The following DMD variants were observed in gnomAD, a reference collection of about 807,000 sequenced individuals.
DMD encodes the protein mutant dystrophin.
In DMD, 63 loss-of-function variants were observed where a neutral mutation model predicts 330.1. That is an observed-to-expected ratio of 0.19 (90% CI 0.16 to 0.24). The LOEUF (loss-of-function observed/expected upper bound fraction) is 0.24. DMD is among the 10% of genes least tolerant of loss of function. The pLI is 1.00. For synonymous variants in DMD, 1,223 were observed against 959.8 expected (o/e 1.27, Z -5.07); for missense variants, 3,344 against 2,684.1 (o/e 1.25, Z -5.43).
chrX:33,138,477 G>A (rs2047630319), intron 1 of DMD, among the ~76,000 whole-genome samples: 1 of 111,516 alleles, frequency 9.0e-6, no homozygotes, highest in Non-Finnish European at 1.9e-5. Flanking sequence ...TATATAGCTG[G>A]AAAGAGATAT....
At chrX:32,160,287 G>A (rs1569547751) in intron 44 of DMD, among the ~76,000 whole-genome samples, 1 of 108,335 alleles carries the variant, frequency 9.2e-6, no homozygotes, top group Admixed American at 9.9e-5. Context: ...GGGCTGGAGT[G>A]CAGTGGCATG....
intron 36 of DMD, among the ~76,000 whole-genome samples, chrX:32,363,481 G>A (rs2097844322): frequency 8.9e-6 from 1 of 111,757 alleles, no homozygotes; most frequent in African/African-American, 3.3e-5. Context: ...CGAATTTTCT[G>A]TCACATACAG....
chrX:32,542,231 C>T (rs191571634), intron 17 of DMD, among the ~76,000 whole-genome samples: 1 of 111,334 alleles, frequency 9.0e-6, no homozygotes, highest in Non-Finnish European at 1.9e-5. Flanking sequence ...GAGCTCAAGA[C>T]CAGCCTGGCC....
chrX:32,632,471 G>A (rs1724207886), intron 11 of DMD, among the ~76,000 whole-genome samples: 1 of 112,433 alleles, frequency 8.9e-6, no homozygotes, highest in Admixed American at 9.3e-5. Flanking sequence ...ACTACGTGTG[G>A]GGGATCAAAG....
At chrX:33,029,451 T>A (rs1034371795) in intron 1 of DMD, among the ~76,000 whole-genome samples, 2 of 112,152 alleles carry the variant, frequency 1.8e-5, no homozygotes, top group African/African-American at 6.5e-5. Flanking sequence ...GGATGACCTG[T>A]CTGTTCCTTT....
intron 1 of DMD, among the ~76,000 whole-genome samples, chrX:33,179,549 C>T (rs2049853259): frequency 9.2e-6 from 1 of 108,871 alleles, no homozygotes; most frequent in Non-Finnish European, 1.9e-5. Context: ...AAAAAATTAG[C>T]CGGGCGTGGT....
intron 41 of DMD, among the ~76,000 whole-genome samples, chrX:32,335,272 G>A (rs1266331024): frequency 9.2e-6 from 1 of 108,511 alleles, no homozygotes; most frequent in Non-Finnish European, 1.9e-5. Flanking sequence ...TGTGATCCCT[G>A]CTGACTGTAA....
chrX:33,124,560 GTCTGTAGGATTCACTCA>G (rs1373208676), intron 1 of DMD, among the ~76,000 whole-genome samples: 1 of 97,663 alleles, frequency 1.0e-5, no homozygotes, highest in African/African-American at 3.8e-5. Flanking sequence ...TGGCAAAATT[GTCTGTAGGATTCACTCA>G]TCCATTTATT....
chrX:33,312,035 C>T (rs2053857563), intron 1 of DMD, among the ~76,000 whole-genome samples: 1 of 108,917 alleles, frequency 9.2e-6, no homozygotes, highest in Non-Finnish European at 1.9e-5. Context: ...ATTTATTCTT[C>T]ATAGAACCTG....
intron 30 of DMD, among the ~76,000 whole-genome samples, chrX:32,401,882 A>G (rs926577459): frequency 1.8e-5 from 2 of 112,413 alleles, no homozygotes; most frequent in African/African-American, 3.2e-5. Flanking sequence ...CGTATTTTCA[A>G]GTAATTATGG....
chrX:33,183,636 T>G (rs768874311), intron 1 of DMD, among the ~76,000 whole-genome samples: 1 of 111,572 alleles, frequency 9.0e-6, no homozygotes, highest in Non-Finnish European at 1.9e-5. Flanking sequence ...CACCCAACCC[T>G]GTGTTCTCAT....
intron 57 of DMD, among the ~76,000 whole-genome samples, chrX:31,490,097 C>T (rs1042830289): frequency 8.9e-6 from 1 of 112,043 alleles, no homozygotes; most frequent in Non-Finnish European, 1.9e-5. Context: ...CATTTCTATT[C>T]AGCATCCCTA....
chrX:33,020,903 C>A (rs2093901887), intron 1 of DMD, among the ~76,000 whole-genome samples: 1 of 110,822 alleles, frequency 9.0e-6, no homozygotes, highest in African/African-American at 3.3e-5. Context: ...TTATTCCTTC[C>A]TTTGCAGCAT....
chrX:31,119,570 T>G lies in DMD; in HGVS notation c.*2349A>C, dbSNP rs2031981156. 8.9e-6 allele frequency: 1 copy of G among 112,572 alleles called. No individual in the cohort carries two copies. The highest frequency in any genetic ancestry group is 1.9e-5 in the Non-Finnish European group (1 of 53,181). 9.3% of individuals were successfully genotyped at this position (112,572 alleles called of 1,213,427 possible). On this transcript the variant is annotated 3_prime_UTR_variant, in exon 79 of 79. Transcript: ENST00000357033. Reference sequence around the variant, plus strand: ...AATGCAGCAATAAAGCTCTCAATTTTTGTTCAAATATTATGACAGACTCAC... The same window carrying G: ...AATGCAGCAATAAAGCTCTCAATTTGTGTTCAAATATTATGACAGACTCAC...
intron 42 of DMD, among the ~76,000 whole-genome samples, chrX:32,291,489 C>T (rs1237139197): frequency 8.9e-6 from 1 of 111,850 alleles, no homozygotes; most frequent in Non-Finnish European, 1.9e-5. Flanking sequence ...TTAATTGAAT[C>T]AAGTATCTAG....
At chrX:31,295,057 C>T (rs1049828419) in intron 62 of DMD, among the ~76,000 whole-genome samples, 1 of 111,165 alleles carries the variant, frequency 9.0e-6, no homozygotes. Flanking sequence ...AGTGCAGTAG[C>T]GCGATCTCGG....
chrX:31,490,920 A>T (rs2069240963), intron 57 of DMD, among the ~76,000 whole-genome samples: 1 of 112,486 alleles, frequency 8.9e-6, no homozygotes, highest in African/African-American at 3.2e-5. Flanking sequence ...GAACATGCAT[A>T]ATATATGACC....
chrX:31,869,706 A>G (rs926884741), intron 48 of DMD, among the ~76,000 whole-genome samples: 8 of 110,029 alleles, frequency 7.3e-5, no homozygotes, highest in Non-Finnish European at 1.5e-4. Flanking sequence ...TATAAACTAC[A>G]AAGGACTCAC....
intron 54 of DMD, among the ~76,000 whole-genome samples, chrX:31,648,267 T>C (rs1227119823): frequency 9.0e-6 from 1 of 111,296 alleles, no homozygotes; most frequent in African/African-American, 3.3e-5. Context: ...GAATCACTTG[T>C]ACTAAAGGAA....
Sources: gnomAD v4.1 joint callset for allele counts (sites outside exome capture counted in the v4.1 genomes callset) on GRCh38, gnomAD v4.1.1 for gene constraint, MANE v1.5 for transcripts, NCBI Gene and HGNC (gene_info 2026-07-23, HGNC 2026-07-21) for gene names.